Variants in RASGRP3 observed in about 807,000 individuals in gnomAD.
RASGRP3 encodes the protein ras guanyl-releasing protein 3.
In RASGRP3, 54 loss-of-function variants were observed where a neutral mutation model predicts 82.7. That is an observed-to-expected ratio of 0.65 (90% CI 0.52 to 0.82). RASGRP3 has a LOEUF of 0.82. Among genes scored for constraint, RASGRP3 ranks in the 40% least tolerant of loss-of-function variants. RASGRP3 has a pLI of 0.00. For missense variants in RASGRP3, 861 were observed against 828.9 expected, an observed-to-expected ratio of 1.04 and a Z score of -0.48; for synonymous variants, 309 against 300.5, an observed-to-expected ratio of 1.03 and a Z score of -0.29.
intron 14 of RASGRP3, among the ~76,000 whole-genome samples, chr2:33,551,300 G>T: frequency 6.6e-6 from 1 of 151,906 alleles, no homozygotes; most frequent in Middle Eastern, 3.4e-3. Context: ...GTGACAGAGC[G>T]AGACTCAGTC....
chr2:33,505,821 A>G (rs750845721), intron 1 of RASGRP3, among the ~76,000 whole-genome samples: 9 of 152,172 alleles, frequency 5.9e-5, no homozygotes, highest in Non-Finnish European at 1.3e-4. Context: ...ATCCAACTGC[A>G]GGTGTCTAGC....
intron 1 of RASGRP3, among the ~76,000 whole-genome samples, chr2:33,480,767 A>G (rs750708139): frequency 6.6e-6 from 1 of 152,170 alleles, no homozygotes; most frequent in African/African-American, 2.4e-5. Context: ...GCTCACTTAT[A>G]GTCCCTGGAG....
At position 33,540,556 on chromosome 2, in the gene RASGRP3, T is replaced by TGTGTGTGTG. The variant is rs1558506275; in HGVS notation, c.1278+1346_1278+1347insGTGTGTGTG. Among the ~76,000 whole-genome samples, 37 of 38,650 alleles carry TGTGTGTGTG rather than the reference T, an allele frequency of 9.6e-4. 6 individuals are homozygous for TGTGTGTGTG. Among genetic ancestry groups the TGTGTGTGTG allele is most frequent in the Non-Finnish European group, 1.4e-3 (31 of 22,188 alleles). 25.4% of individuals were successfully genotyped at this position (38,650 alleles called of 152,430 possible). A position where few individuals can be genotyped will look rare whatever the true frequency, so the allele number is the denominator to read the frequency against. ...CTCTCTCTCTCTCTGTGTGTGTGTT[T>TGTGTGTGTG]TGTGTGTGTGTGTGTGTGTGTGTGT... On this transcript the variant is annotated intron_variant, in intron 12 of 17. Transcript: ENST00000403687.
intron 1 of RASGRP3, among the ~76,000 whole-genome samples, chr2:33,508,846 A>G (rs1670653215): frequency 6.6e-6 from 1 of 152,180 alleles, no homozygotes; most frequent in Admixed American, 6.5e-5. Context: ...TGTATCATCT[A>G]CCCATGTCAT....
chr2:33,493,532 T>A (rs755719679), intron 1 of RASGRP3, among the ~76,000 whole-genome samples: 1 of 152,044 alleles, frequency 6.6e-6, no homozygotes, highest in Non-Finnish European at 1.5e-5. Flanking sequence ...CAGGAGTAAA[T>A]GAACAGTGTC....
At chr2:33,440,793 CAT>C (rs68084858) in intron 1 of RASGRP3, among the ~76,000 whole-genome samples, 1,790 of 152,208 alleles carry the variant, frequency 0.012, 31 homozygotes, top group African/African-American at 0.041. Context: ...TTTTGTATGA[CAT>C]GTGTGGCTAA....
chr2:33,519,427 T>C (rs113159577), intron 4 of RASGRP3, among the ~76,000 whole-genome samples: 3,672 of 152,192 alleles, frequency 0.024, 158 homozygotes, highest in African/African-American at 0.085. Context: ...CCATCCTGGC[T>C]AACACGGCGA....
At chr2:33,538,973 A>G in intron 11 of RASGRP3, 121 bp from the exon 12 acceptor site, 1 of 676,222 alleles carries the variant, frequency 1.5e-6, no homozygotes, top group Non-Finnish European at 2.5e-6. Flanking sequence ...CAGGAGGCAG[A>G]AATTGTAGTG....
upstream of RASGRP3, among the ~76,000 whole-genome samples, chr2:33,473,903 C>T (rs113144766): frequency 0.019 from 2,885 of 152,268 alleles, 104 homozygotes; most frequent in African/African-American, 0.066. Context: ...GAGATGATTT[C>T]AGGATGAAAC....
At position 33,516,542 on chromosome 2, in the gene RASGRP3, A is replaced by T. The variant is rs200383320; in HGVS notation, c.71A>T (p.Asp24Val). The T allele has an allele frequency of 3.9e-6, 6 of 1,544,620 alleles. No homozygotes were observed. The highest frequency in any genetic ancestry group is 5.3e-6 in the Non-Finnish European group (6 of 1,126,308). ...ELLCTCIEMF[D>V]DNGELDNSYL... ...ACTTCTTGTTTTATTTTTCTAACAG[A>T]TGACAATGGAGAGCTGGATAATAGT... is the stretch of plus-strand genomic sequence containing the variant. The change falls in exon 4 of 18, where the codon GAT becomes GTT. Residue 24 changes from aspartate (D) to valine (V), a missense_variant and splice_region_variant. Asp to Val is a radical substitution (Grantham distance 152). Transcript: ENST00000403687.
At position 33,519,861 on chromosome 2, in the gene RASGRP3, C is replaced by T. The variant is rs1361897894; in HGVS notation, c.174-91C>T. ...GTCTATATAACCCCAGCATGGTCCT[C>T]TTATTAGGAATTGGTATACATTGAG... On this transcript the variant is annotated intron_variant, in intron 4 of 17. Transcript: ENST00000403687. The T allele has an allele frequency of 2.9e-5, 25 of 860,722 alleles. No homozygotes were observed. In the East Asian group the frequency reaches 6.4e-4, roughly 22 times the overall value. The allele number at this position is 860,722 out of a possible 1,614,324, so 53.3% of individuals were successfully genotyped here. A position where few individuals can be genotyped will look rare whatever the true frequency, so the allele number is the denominator to read the frequency against.
At chr2:33,537,325 C>CA in intron 11 of RASGRP3, among the ~76,000 whole-genome samples, 1 of 72,110 alleles carries the variant, frequency 1.4e-5, no homozygotes, top group Non-Finnish European at 2.6e-5. Context: ...CACACACCGC[C>CA]CCCCCCACAC....
rs1671924569 is a variant in RASGRP3, at chr2:33,520,537, A to AT, written c.237-13dup. 1 of 1,612,338 alleles carries AT rather than the reference A, an allele frequency of 6.2e-7. No homozygotes were observed. Among genetic ancestry groups the AT allele is most frequent in the Non-Finnish European group, 8.5e-7 (1 of 1,178,732 alleles). The stretch of plus-strand genomic sequence containing the variant: ...TTGCAATCTTCCAGCTGCCAAAAAT[A>AT]TTTGATGCCTTTCAGGTACTGGATT... On this transcript the variant is annotated splice_polypyrimidine_tract_variant and intron_variant, in intron 5 of 17. Coordinates refer to ENST00000403687, the MANE Select transcript of RASGRP3 (RefSeq NM_001139488.2).
chr2:33,506,346 T>C (rs1021374762), intron 1 of RASGRP3, among the ~76,000 whole-genome samples: 6 of 152,248 alleles, frequency 3.9e-5, no homozygotes, highest in Non-Finnish European at 8.8e-5. Flanking sequence ...GGAGTTGGAC[T>C]TGGCTTTGCA....
intron 11 of RASGRP3, among the ~76,000 whole-genome samples, chr2:33,535,222 TAAAC>T (rs1673488478): frequency 6.6e-6 from 1 of 152,224 alleles, no homozygotes; most frequent in Admixed American, 6.5e-5. Context: ...GCTTAGTAAA[TAAAC>T]ATTATATAAT....
intron 2 of RASGRP3, among the ~76,000 whole-genome samples, chr2:33,457,524 T>A (rs1190815422): frequency 6.6e-6 from 1 of 152,230 alleles, no homozygotes; most frequent in East Asian, 1.9e-4. Context: ...AATGAATGCA[T>A]TAAGATTGTT....
intron 1 of RASGRP3, among the ~76,000 whole-genome samples, chr2:33,498,430 A>G (rs1311850200): frequency 1.3e-5 from 2 of 152,204 alleles, no homozygotes; most frequent in Admixed American, 1.3e-4. Context: ...TTAGAAAAGA[A>G]CTCAGTAAAG....
At chr2:33,439,856 G>A (rs774277212) in intron 1 of RASGRP3, among the ~76,000 whole-genome samples, 7 of 152,264 alleles carry the variant, frequency 4.6e-5, no homozygotes, top group Non-Finnish European at 8.8e-5. Flanking sequence ...GGGAAATGGC[G>A]TGCATAAGAT....
chr2:33,466,033 A>G (rs1472844191), intron 2 of RASGRP3, among the ~76,000 whole-genome samples: 2 of 152,090 alleles, frequency 1.3e-5, no homozygotes, highest in African/African-American at 2.4e-5. Flanking sequence ...CTGGTCACCC[A>G]AGAGCTCTAG....
Sources: allele counts gnomAD v4.1 joint callset (sites outside exome capture counted in the v4.1 genomes callset), GRCh38; gene constraint gnomAD v4.1.1; transcripts MANE v1.5; gene names NCBI Gene and HGNC (gene_info 2026-07-23, HGNC 2026-07-21).